Variants in INO80 observed in about 807,000 individuals in gnomAD.
INO80 encodes INO80 complex ATPase subunit, also known as chromatin-remodeling ATPase INO80.
A neutral mutation model predicts 203.4 loss-of-function variants in INO80; 20 were observed. That is an observed-to-expected ratio of 0.10 (90% CI 0.07 to 0.14). The LOEUF (loss-of-function observed/expected upper bound fraction) is 0.14, where lower values mean the gene tolerates loss of function less well. Among genes scored for constraint, INO80 ranks in the 10% least tolerant of loss-of-function variants. The pLI is 1.00. For missense variants in INO80, 1,419 were observed against 1,914.4 expected (o/e 0.74, Z 4.83); for synonymous variants, 726 against 685.2 (o/e 1.06, Z -0.93).
chr15:41,098,016 GT>G (rs138579978), intron 1 of INO80, among the ~76,000 whole-genome samples: 2 of 151,934 alleles, frequency 1.3e-5, no homozygotes, highest in African/African-American at 2.4e-5. Flanking sequence ...ATTTGTGGCG[GT>G]TTTTTTGTAT....
chr15:41,089,506 CT>C (rs2045604288), intron 5 of INO80, among the ~76,000 whole-genome samples: 1 of 152,112 alleles, frequency 6.6e-6, no homozygotes, highest in Non-Finnish European at 1.5e-5. Context: ...AATCCCAGCA[CT>C]TTGGGAGGCC....
chr15:41,047,612 G>C, intron 22 of INO80, 111 bp from the exon 23 acceptor site: 1 of 715,616 alleles, frequency 1.4e-6, no homozygotes, highest in Admixed American at 2.8e-5. Context: ...CTATTCTAAA[G>C]GTTCTGATCT....
At position 40,983,919 on chromosome 15, in the gene INO80, G is replaced by C; in HGVS notation, c.4080C>G (p.Ile1360Met). 6.2e-7 allele frequency: 1 copy of C among 1,613,432 alleles called. No homozygotes were observed. Among genetic ancestry groups the C allele is most frequent in the Non-Finnish European group, 8.5e-7 (1 of 1,179,888 alleles). Reference sequence around the variant, plus strand: ...CAGTGTGCAGCTCACTGCTGATGGAGATCTAGAAGAGGAAGGGTTAAGATC... The same window carrying C: ...CAGTGTGCAGCTCACTGCTGATGGACATCTAGAAGAGGAAGGGTTAAGATC... ...DSAMPSPFSE[I>M]SISSELHTGS... The change falls in exon 34 of 36, where the codon ATC (isoleucine) becomes ATG (methionine). Residue 1360 changes from isoleucine to methionine, a missense_variant and splice_region_variant. By Grantham distance (10) the Ile-to-Met change is conservative (BLOSUM62 1). Coordinates refer to ENST00000648947, the MANE Select transcript of INO80 (RefSeq NM_017553.3).
chr15:41,071,123 C>T (rs1379041381), intron 12 of INO80, among the ~76,000 whole-genome samples: 1 of 152,074 alleles, frequency 6.6e-6, no homozygotes, highest in Non-Finnish European at 1.5e-5. Context: ...GAGCCATAAA[C>T]GCACCACTCC....
intron 5 of INO80, among the ~76,000 whole-genome samples, chr15:41,090,818 A>G (rs545385466): frequency 1.4e-4 from 21 of 150,194 alleles, no homozygotes; most frequent in Admixed American, 1.3e-3. Context: ...ACTGCTACCT[A>G]AAGTTAAAAT....
At chr15:40,992,314 C>G (rs907789366) in intron 29 of INO80, among the ~76,000 whole-genome samples, 2 of 152,150 alleles carry the variant, frequency 1.3e-5, no homozygotes, top group Non-Finnish European at 2.9e-5. Flanking sequence ...TATAACAACC[C>G]CTTACTAAAC....
intron 14 of INO80, among the ~76,000 whole-genome samples, chr15:41,062,941 C>T (rs565409674): frequency 6.6e-6 from 1 of 152,222 alleles, no homozygotes; most frequent in South Asian, 2.1e-4. Context: ...GGAGGGAGAG[C>T]AGTAACATTT....
Position 40,979,867 on chromosome 15 carries a change from C to T in INO80, c.*356G>A, listed in dbSNP as rs1893750552. 1 of 290,772 alleles carries T rather than the reference C, an allele frequency of 3.4e-6. No homozygotes were observed. 18.0% of individuals were successfully genotyped at this position (290,772 alleles called of 1,614,324 possible). ...GCACCTGCGGAGACTTTGCAAGGGACGTGTCAGAGCCGAAGAGTGGAATCG... is the reference window on the plus strand; with the variant it reads ...GCACCTGCGGAGACTTTGCAAGGGATGTGTCAGAGCCGAAGAGTGGAATCG... On this transcript the variant is annotated 3_prime_UTR_variant, in exon 36 of 36. Transcript: ENST00000648947.
At chr15:40,985,819 G>A (rs993023807) in intron 31 of INO80, among the ~76,000 whole-genome samples, 1 of 152,090 alleles carries the variant, frequency 6.6e-6, no homozygotes, top group Non-Finnish European at 1.5e-5. Flanking sequence ...GAGTCAGGAG[G>A]ACTGCCTGAG....
chr15:41,043,641 C>G (rs2044704876), intron 24 of INO80, among the ~76,000 whole-genome samples: 2 of 152,136 alleles, frequency 1.3e-5, no homozygotes, highest in Non-Finnish European at 1.5e-5. Flanking sequence ...TAAAACTACC[C>G]CATAACATTT....
intron 1 of INO80, chr15:41,108,968 C>A: frequency 1.3e-5 from 2 of 158,782 alleles, no homozygotes; most frequent in South Asian, 3.4e-4. Flanking sequence ...TCTCCACGGT[C>A]TCTTTGGAAA....
chr15:41,114,863 A>G (rs692155), intron 1 of INO80, among the ~76,000 whole-genome samples: 85,166 of 151,992 alleles, frequency 0.56, 25,683 homozygotes, highest in African/African-American at 0.8. Flanking sequence ...ATAGTTACCT[A>G]AGACTGGAGG....
At chr15:41,006,532 T>C (rs8029501) in intron 27 of INO80, among the ~76,000 whole-genome samples, 4,444 of 152,308 alleles carry the variant, frequency 0.029, 211 homozygotes, top group African/African-American at 0.1. Context: ...TGGGAAATGT[T>C]TGTGTTAATT....
At chr15:41,112,979 G>A (rs1481924761) in intron 1 of INO80, among the ~76,000 whole-genome samples, 8 of 149,846 alleles carry the variant, frequency 5.3e-5, no homozygotes, top group East Asian at 2.0e-4. Context: ...GCAGTGGCTC[G>A]ATCTCGGCTC....
chr15:41,004,476 G>A (rs1253176608), intron 28 of INO80: 4 of 152,170 alleles, frequency 2.6e-5, no homozygotes, highest in South Asian at 4.1e-4. Context: ...AAAAGCCAAA[G>A]TCAAAGCTGT....
At chr15:41,031,612 A>AGGAAG (rs1566919236) in intron 24 of INO80, among the ~76,000 whole-genome samples, 56 of 652 alleles carry the variant, frequency 0.086, 1 homozygote, top group Admixed American at 0.17. Flanking sequence ...GGAGGAAGGG[A>AGGAAG]GGAGGGAGGA....
chr15:41,063,378 A>T (rs1341687343), intron 14 of INO80, among the ~76,000 whole-genome samples: 4 of 152,106 alleles, frequency 2.6e-5, no homozygotes, highest in African/African-American at 9.7e-5. Flanking sequence ...GAGAAAAATT[A>T]AACAGGTGCC....
At chr15:41,100,408 T>C (rs1448123603) in intron 1 of INO80, among the ~76,000 whole-genome samples, 3 of 152,190 alleles carry the variant, frequency 2.0e-5, no homozygotes, top group African/African-American at 7.2e-5. Context: ...TATTCCTCAG[T>C]ACCTATGTGA....
At chr15:40,991,393 C>T (rs999094881) in intron 29 of INO80, among the ~76,000 whole-genome samples, 1 of 152,062 alleles carries the variant, frequency 6.6e-6, no homozygotes, top group Non-Finnish European at 1.5e-5. Flanking sequence ...ACCATCTAAT[C>T]TAACACTGAA....
Sources: gnomAD v4.1 joint callset for allele counts (sites outside exome capture counted in the v4.1 genomes callset) on GRCh38, gnomAD v4.1.1 for gene constraint, MANE v1.5 for transcripts, NCBI Gene and HGNC (gene_info 2026-07-23, HGNC 2026-07-21) for gene names.